The following PABPN1L variants were observed in gnomAD, a reference collection of about 807,000 sequenced individuals.
PABPN1L encodes the protein PABPN1 like, cytoplasmic.
Under a neutral mutation model 34.0 loss-of-function variants are expected in PABPN1L, and 45 were observed. That is an observed-to-expected ratio of 1.32 (90% CI 1.04 to 1.70). The LOEUF (loss-of-function observed/expected upper bound fraction) is 1.70, where lower values mean the gene tolerates loss of function less well. Among genes scored for constraint, PABPN1L ranks in the 40% most tolerant of loss-of-function variants. The probability of loss-of-function intolerance (pLI) is 0.00; values close to 1 mark genes in which losing one functional copy is unlikely to be tolerated. For missense variants in PABPN1L, 459 were observed against 367.8 expected (o/e 1.25, Z -2.03); for synonymous variants, 182 against 152.1 (o/e 1.20, Z -1.45).
At chr16:88,869,635 G>A (rs1367182060), upstream of PABPN1L, among the ~76,000 whole-genome samples, 1 of 152,236 alleles carries the variant, frequency 6.6e-6, no homozygotes, top group Non-Finnish European at 1.5e-5. Flanking sequence ...GTGCCTGTGT[G>A]TTGGAGGGTC....
At position 88,866,375 on chromosome 16, in the gene PABPN1L, C is replaced by T. The variant is rs575921419; in HGVS notation, c.232G>A (p.Ala78Thr). The T allele has an allele frequency of 9.0e-6, 14 of 1,550,490 alleles. No individual in the cohort carries two copies. Among genetic ancestry groups the T allele is most frequent in the African/African-American group, 1.4e-5 (1 of 73,048 alleles). ...ACCTGGTCAGGCAATGGGCACTCAG[C>T]CAGGTTCTCTTGCTCCAGCAGAGAC... The change falls in exon 1 of 7, where the codon GCT (alanine) becomes ACT (threonine). Residue 78 changes from alanine to threonine, a missense_variant. Ala to Thr is a moderately conservative substitution (Grantham distance 58, BLOSUM62 0). Coordinates refer to ENST00000419291, the Ensembl canonical transcript of PABPN1L.
Position 88,865,643 on chromosome 16 carries a change from C to T in PABPN1L, c.392-13G>A. ...GAGAGGGGGCAGCCTGCGGAGAACA[C>T]AGCTCAGGCCCGCAGGCCCTTGGTT... On this transcript the variant is annotated splice_polypyrimidine_tract_variant and intron_variant, in intron 2 of 6. Coordinates refer to ENST00000419291, the Ensembl canonical transcript of PABPN1L. The T allele has an allele frequency of 6.3e-7, 1 of 1,597,734 alleles. No individual in the cohort carries two copies. The highest frequency in any genetic ancestry group is 8.5e-7 in the Non-Finnish European group (1 of 1,171,486).
At chr16:88,866,315 T>C in intron 1 of PABPN1L, 37 bp downstream of exon 1, 1 of 1,532,946 alleles carries the variant, frequency 6.5e-7, no homozygotes. Context: ...GTGCCCCAGG[T>C]CCCCTGAGAT....
upstream of PABPN1L, among the ~76,000 whole-genome samples, chr16:88,868,138 T>C (rs2143021193): frequency 6.6e-6 from 1 of 152,276 alleles, no homozygotes; most frequent in East Asian, 1.9e-4. Flanking sequence ...TGCCACAGCC[T>C]GGGAACCCAG....
rs543766809 is a variant in PABPN1L at position 88,865,601 on chromosome 16, TCTC to T, written c.418_420del (p.Glu140del). 7.6e-5 allele frequency: 123 copies of T among 1,610,520 alleles called. 1 individual carries two copies. The South Asian group carries it at 8.6e-4, about 11-fold the overall frequency. ...ACGGATCTGTGGTCAGCCTCCACCT[TCTC>T]CTCGGGGGTCCCAGAGAGGGGGCAG... On this transcript the variant is annotated inframe_deletion, in exon 3 of 7. Transcript: ENST00000419291.
chr16:88,866,405 G>C (rs1454790094), exon 1 of PABPN1L: 21 of 1,551,146 alleles, frequency 1.4e-5, no homozygotes, highest in Non-Finnish European at 1.8e-5. Flanking sequence ...AGAGACAGCA[G>C]AAAGCCTGCA....
At chr16:88,865,162 A>G in intron 3 of PABPN1L, 34 bp from the exon 4 acceptor site, 2 of 1,547,050 alleles carry the variant, frequency 1.3e-6, no homozygotes, top group Non-Finnish European at 1.7e-6. Flanking sequence ...TGTGAGGGAG[A>G]CGCCTGGCCC....
chr16:88,864,066 T>C (rs1468498163), intron 6 of PABPN1L, among the ~76,000 whole-genome samples, 171 bp downstream of exon 6: 1 of 136,988 alleles, frequency 7.3e-6, no homozygotes, highest in Non-Finnish European at 1.5e-5. Context: ...GCAGAGAGGC[T>C]ACAAAAAGCG....
exon 1 of PABPN1L, chr16:88,866,360 G>C (rs1401078197): frequency 6.5e-7 from 1 of 1,549,826 alleles, no homozygotes; most frequent in Non-Finnish European, 8.7e-7. Flanking sequence ...ACCTGGTCAG[G>C]CAATGGGCAC....
exon 1 of PABPN1L, chr16:88,866,445 T>C (rs1171527552): frequency 1.4e-5 from 22 of 1,551,460 alleles, no homozygotes; most frequent in Non-Finnish European, 1.8e-5. Context: ...CTGCATCCTC[T>C]TCCTCCTCTT....
In PABPN1L at chr16:88,865,535, C is replaced by A. The variant is rs1350578507; in HGVS notation, c.459+28G>T. 1.9e-6 allele frequency: 3 copies of A among 1,603,748 alleles called. No homozygotes were observed. In the African/African-American group the frequency reaches 4.0e-5, roughly 21 times the overall value. On this transcript the variant is annotated intron_variant, in intron 3 of 6. Transcript: ENST00000419291. ...GTAGAGATGGGGCCCCATTCGCTGC[C>A]TGCCCCTTCACCCCGCCCACCACTC...
At chr16:88,867,613 G>A (rs1000724791), upstream of PABPN1L, among the ~76,000 whole-genome samples, 1 of 151,640 alleles carries the variant, frequency 6.6e-6, no homozygotes, top group African/African-American at 2.4e-5. Flanking sequence ...GAGTGACGGC[G>A]TGAGTTATTG....
At chr16:88,869,418 G>A (rs138618556), upstream of PABPN1L, among the ~76,000 whole-genome samples, 2,057 of 152,350 alleles carry the variant, frequency 0.014, 21 homozygotes, top group East Asian at 0.022. Flanking sequence ...GAGGGCTGCC[G>A]GGCTGCTCCT....
chr16:88,867,566 C>A (rs936560028), upstream of PABPN1L, among the ~76,000 whole-genome samples: 4 of 152,196 alleles, frequency 2.6e-5, no homozygotes, highest in Admixed American at 1.3e-4. Context: ...TTCCATGAGG[C>A]CAGAATTATT....
rs1444160746 is a variant in PABPN1L at position 88,865,880 on chromosome 16, G to A, written c.317C>T (p.Pro106Leu). 20 of 1,609,896 alleles carry A rather than the reference G, an allele frequency of 1.2e-5. No homozygotes were observed. The highest frequency in any genetic ancestry group is 2.2e-5 in the East Asian group (1 of 44,850). Residue 106 changes from proline (P) to leucine (L), a missense_variant, in exon 2 of 7, where the codon CCT becomes CTT. Physicochemically the swap from Pro to Leu is moderately conservative, Grantham distance 98. Coordinates refer to ENST00000419291, the Ensembl canonical transcript of PABPN1L. The stretch of plus-strand genomic sequence containing the variant: ...CTCGGCCTGTTGCTGCACTCCTGGA[G>A]GCCGTGGCGTCCCCTCGGCCTGCTC...
intron 1 of PABPN1L, 103 bp from the exon 2 acceptor site, chr16:88,866,044 G>A (rs888454324): frequency 6.2e-6 from 9 of 1,442,734 alleles, no homozygotes; most frequent in African/African-American, 2.8e-5. Flanking sequence ...CAGCCCCAAG[G>A]GGCAGCCCTT....
rs1016228410 is a variant in PABPN1L, at chr16:88,866,213, A to G, written c.255+139T>C. On this transcript the variant is annotated intron_variant, in intron 1 of 6. Transcript: ENST00000419291. ...GCTGGGGGCGGGGGGTCTCCTTGCCACCTTCGTCCAGGCAGGTGGGCAATG... is the reference window on the plus strand; with the variant it reads ...GCTGGGGGCGGGGGGTCTCCTTGCCGCCTTCGTCCAGGCAGGTGGGCAATG... 13 of 1,370,048 alleles carry G rather than the reference A, an allele frequency of 9.5e-6. No homozygotes were observed. In the East Asian group the frequency reaches 2.8e-4, roughly 29 times the overall value. The allele number at this position is 1,370,048 out of a possible 1,614,324, so 84.9% of individuals were successfully genotyped here.
chr16:88,864,861 C>T (rs1211643654), exon 5 of PABPN1L: 5 of 1,608,134 alleles, frequency 3.1e-6, no homozygotes, highest in Non-Finnish European at 4.2e-6. Flanking sequence ...ACCTTGATGA[C>T]CCGGCCCCGG....
At chr16:88,866,718 C>A (rs1391461412), upstream of PABPN1L, 14 of 1,384,762 alleles carry the variant, frequency 1.0e-5, no homozygotes, top group Non-Finnish European at 1.3e-5. Context: ...AGGCCAGCTG[C>A]TCCCACTAGA....
Sources: allele counts gnomAD v4.1 joint callset (sites outside exome capture counted in the v4.1 genomes callset), GRCh38; gene constraint gnomAD v4.1.1; transcripts MANE v1.5; gene names NCBI Gene and HGNC (gene_info 2026-07-23, HGNC 2026-07-21).